GSDMB: variants seen among roughly 807,000 people sequenced by gnomAD.
The protein encoded by GSDMB is gasdermin B, also known as gasdermin-B.
Under a neutral mutation model 42.9 loss-of-function variants are expected in GSDMB, and 32 were observed. The observed-to-expected ratio is 0.75, with a 90% CI of 0.56 to 1.00. The LOEUF (loss-of-function observed/expected upper bound fraction) is 1.00. GSDMB is among the 50% of genes least tolerant of loss of function. The pLI is 0.00. For missense variants in GSDMB, 468 were observed against 498.5 expected, an observed-to-expected ratio of 0.94 and a Z score of 0.58; for synonymous variants, 175 against 193.7, an observed-to-expected ratio of 0.90 and a Z score of 0.80.
intron 3 of GSDMB, 50 bp from the exon 4 acceptor site, chr17:39,909,974 C>T: frequency 7.2e-7 from 1 of 1,394,766 alleles, no homozygotes; most frequent in Admixed American, 1.8e-5. Context: ...GGCCTTACCT[C>T]CCACTGACTC....
At chr17:39,917,409 T>C in intron 1 of GSDMB, 79 bp from the exon 2 acceptor site, 1 of 849,986 alleles carries the variant, frequency 1.2e-6, no homozygotes. Flanking sequence ...TTTGGCAGCC[T>C]GAGGTGTCAG....
intron 2 of GSDMB, among the ~76,000 whole-genome samples, chr17:39,915,068 C>T (rs577144013): frequency 6.6e-6 from 1 of 152,064 alleles, no homozygotes; most frequent in African/African-American, 2.4e-5. Context: ...AACTCCTGGC[C>T]TCAAGTGATC....
chr17:39,912,337 G>A lies in GSDMB; in HGVS notation c.396C>T (p.Thr132=), dbSNP rs757411658. 9.3e-6 allele frequency: 15 copies of A among 1,613,758 alleles called. No individual in the cohort carries two copies. Among genetic ancestry groups the A allele is most frequent in the Non-Finnish European group, 1.3e-5 (15 of 1,179,818 alleles). The part of the protein sequence containing the change: ...ENRISQQYLA[T]LENRKLKREL... The stretch of plus-strand genomic sequence containing the variant: ...AACTCCAACCTCACCTGTTTTCAAG[G>A]GTAGCCAGATACTGCTGGGATATCC... The change falls in exon 3 of 11, where the codon ACC becomes ACT. Residue 132 remains threonine (T), a synonymous_variant. Coordinates refer to ENST00000418519, the MANE Select transcript of GSDMB (RefSeq NM_001165958.2).
rs2063572594 is a variant in GSDMB at position 39,909,755 on chromosome 17, C to T, written c.576+1G>A. The stretch of plus-strand genomic sequence containing the variant: ...CAGTCCCTGCCTCCCAGGATCCTAA[C>T]CTTGTGTTTATAGCTGAGATGGCCC... On this transcript the variant is annotated splice_donor_variant, in intron 4 of 10. Transcript: ENST00000418519. LOFTEE classifies it high-confidence loss of function. 1 of 1,613,494 alleles carries T rather than the reference C, an allele frequency of 6.2e-7. No individual in the cohort carries two copies. The highest frequency in any genetic ancestry group is 8.5e-7 in the Non-Finnish European group (1 of 1,179,838).
chr17:39,904,910 T>C lies in GSDMB; in HGVS notation c.1153A>G (p.Met385Val), dbSNP rs751934630. The change falls in exon 11 of 11, where the codon ATG becomes GTG. Residue 385 changes from methionine (M) to valine (V), a missense_variant. Met to Val is a conservative substitution (Grantham distance 21). Transcript: ENST00000418519. ...WDELASSPPD[M>V]DYDPEARILC... ...ATTCGTGCCTCAGGGTCATAGTCCATGTCAGGAGGACTGCTGGCCAGCTCA... is the reference window on the plus strand; with the variant it reads ...ATTCGTGCCTCAGGGTCATAGTCCACGTCAGGAGGACTGCTGGCCAGCTCA... 1.7e-5 allele frequency: 27 copies of C among 1,613,216 alleles called. No homozygotes were observed. The highest frequency in any genetic ancestry group is 2.3e-5 in the Non-Finnish European group (27 of 1,179,328).
intron 2 of GSDMB, among the ~76,000 whole-genome samples, chr17:39,914,655 C>T (rs531388095): frequency 6.7e-5 from 10 of 148,150 alleles, no homozygotes; most frequent in East Asian, 2.1e-4. Context: ...CCCAGCTACT[C>T]GGGAGGCTGA....
Position 39,909,003 on chromosome 17 carries a change from T to A in GSDMB, c.616A>T (p.Ser206Cys). Residue 206 changes from serine to cysteine, a missense_variant, in exon 5 of 11, where the codon AGC (serine) becomes TGC (cysteine). Transcript: ENST00000418519. Reference protein sequence around the residue: ...EVTIPPNRVLSYRVKQLVFPN... With the variant: ...EVTIPPNRVLCYRVKQLVFPN... Reference sequence around the variant, plus strand: ...AAGACAAGCTGCTTTACTCGATAGCTCAGGACCCGATTTGGGGGGATGGTC... The same window carrying A: ...AAGACAAGCTGCTTTACTCGATAGCACAGGACCCGATTTGGGGGGATGGTC... 6.2e-7 allele frequency: 1 copy of A among 1,605,888 alleles called. No individual in the cohort carries two copies. The highest frequency in any genetic ancestry group is 1.7e-4 in the Middle Eastern group (1 of 6,050).
At chr17:39,916,605 C>T (rs1290501642) in intron 2 of GSDMB, among the ~76,000 whole-genome samples, 2 of 151,992 alleles carry the variant, frequency 1.3e-5, no homozygotes, top group Non-Finnish European at 2.9e-5. Flanking sequence ...TTGATTCTTA[C>T]AACAGTCCTC....
At chr17:39,905,583 CA>C in intron 9 of GSDMB, 87 bp from the exon 10 acceptor site, 1 of 1,135,694 alleles carries the variant, frequency 8.8e-7, no homozygotes. Flanking sequence ...CATGTATCAT[CA>C]AAAGGTTCCA....
At chr17:39,905,716 G>A in intron 9 of GSDMB, 131 bp downstream of exon 9, 1 of 1,090,920 alleles carries the variant, frequency 9.2e-7, no homozygotes, top group East Asian at 2.4e-5. Context: ...CTGGCCTGAG[G>A]AAGACATGAA....
intron 3 of GSDMB, among the ~76,000 whole-genome samples, chr17:39,911,378 A>G (rs574161493): frequency 1.3e-5 from 2 of 151,716 alleles, no homozygotes; most frequent in South Asian, 4.2e-4. Flanking sequence ...ACTCAAGGAG[A>G]GCAAGGCCAG....
At chr17:39,917,481 C>T (rs1411661773) in intron 1 of GSDMB, 151 bp from the exon 2 acceptor site, 1 of 606,168 alleles carries the variant, frequency 1.6e-6, no homozygotes, top group East Asian at 2.8e-5. Context: ...ATCCAGATGG[C>T]CTGAAGCAAC....
chr17:39,904,611 G>C lies in GSDMB; in HGVS notation c.*201C>G, dbSNP rs1256703593. 1 of 500,228 alleles carries C rather than the reference G, an allele frequency of 2.0e-6. No individual in the cohort carries two copies. Among genetic ancestry groups the C allele is most frequent in the Admixed American group, 3.6e-5 (1 of 27,442 alleles). 31.0% of individuals were successfully genotyped at this position (500,228 alleles called of 1,614,324 possible). A position where few individuals can be genotyped will look rare whatever the true frequency, so the allele number is the denominator to read the frequency against. On this transcript the variant is annotated 3_prime_UTR_variant, in exon 11 of 11. Transcript: ENST00000418519. ...AAGACAAAATTAACATGCACAACCT[G>C]CCACTTTTAATCAGAAGTCCATGTA...
Position 39,909,937 on chromosome 17 carries a change from G to C in GSDMB, c.408-13C>G, listed in dbSNP as rs1417669371. 1 of 1,604,574 alleles carries C rather than the reference G, an allele frequency of 6.2e-7. No homozygotes were observed. The highest frequency in any genetic ancestry group is 1.1e-5 in the South Asian group (1 of 90,818). On this transcript the variant is annotated splice_polypyrimidine_tract_variant and intron_variant, in intron 3 of 10. Transcript: ENST00000418519. ...CCTCTTCAGCTTCCTGGAGAGAGTG[G>C]AGAGAGATGAGAGTTAAGGATCTCA... is the stretch of plus-strand genomic sequence containing the variant.
At chr17:39,916,975 A>C in intron 2 of GSDMB, 107 bp downstream of exon 2, 3 of 728,932 alleles carry the variant, frequency 4.1e-6, no homozygotes, top group Non-Finnish European at 7.3e-6. Flanking sequence ...TACAAATCCC[A>C]CAGTTTCGTT....
In GSDMB at chr17:39,914,841, T is replaced by TTG. The variant is rs1555650816; in HGVS notation, c.235+2240_235+2241insCA. ...ACAAAATCCTATGCACACTTTTTTT[T>TTG]TTGTTTTTTTTTGAGACGGAGTCTT... On this transcript the variant is annotated intron_variant, in intron 2 of 10. Transcript: ENST00000418519. Among the ~76,000 whole-genome samples, 308 of 150,272 alleles carry TTG rather than the reference T, an allele frequency of 2.0e-3. 2 individuals carry two copies. Among genetic ancestry groups the TTG allele is most frequent in the African/African-American group, 6.8e-3 (275 of 40,662 alleles).
chr17:39,914,244 C>T (rs2063665537), intron 2 of GSDMB, among the ~76,000 whole-genome samples: 1 of 152,074 alleles, frequency 6.6e-6, no homozygotes, highest in African/African-American at 2.4e-5. Context: ...CCCCGAGACC[C>T]AGAACCCAGT....
At chr17:39,913,212 C>T (rs2063646075) in intron 2 of GSDMB, among the ~76,000 whole-genome samples, 1 of 152,190 alleles carries the variant, frequency 6.6e-6, no homozygotes, top group Non-Finnish European at 1.5e-5. Context: ...AACCAAGTGC[C>T]TGGCATACAT....
In GSDMB at chr17:39,905,885, C is replaced by G. The variant is rs373291897; in HGVS notation, c.989G>C (p.Arg330Pro). 1 of 1,613,922 alleles carries G rather than the reference C, an allele frequency of 6.2e-7. No homozygotes were observed. Among genetic ancestry groups the G allele is most frequent in the South Asian group, 1.1e-5 (1 of 91,072 alleles). ...CAGGAAGTCCAGAATGGCTTTTGCA[C>G]GCGCTTCTACCAAGACCCCAGCAGC... ...FNAAGVLVEA[R>P]AKAILDFLDA... is the part of the protein sequence containing the mutation. Residue 330 changes from arginine to proline, a missense_variant, in exon 9 of 11, where the codon CGT becomes CCT. Physicochemically the swap from Arg to Pro is moderately radical, Grantham distance 103 (BLOSUM62 -2). Transcript: ENST00000418519.
Sources: allele counts gnomAD v4.1 joint callset (sites outside exome capture counted in the v4.1 genomes callset), GRCh38; gene constraint gnomAD v4.1.1; transcripts MANE v1.5; gene names NCBI Gene and HGNC (gene_info 2026-07-23, HGNC 2026-07-21).